The following SH3RF3 variants were observed in gnomAD, a reference collection of about 807,000 sequenced individuals.
The protein encoded by SH3RF3 is SH3 domain containing ring finger 3.
Under a neutral mutation model 66.3 loss-of-function variants are expected in SH3RF3, and 29 were observed. The observed-to-expected ratio is 0.44, with a 90% CI of 0.33 to 0.60. The LOEUF (loss-of-function observed/expected upper bound fraction) is 0.60. Among genes scored for constraint, SH3RF3 ranks in the 20% least tolerant of loss-of-function variants. The pLI is 0.04. For missense variants in SH3RF3, 1,194 were observed against 1,190.9 expected (o/e 1.00, Z -0.04); for synonymous variants, 583 against 532.0 (o/e 1.10, Z -1.32).
chr2:109,301,344 GTGTGTGTGTT>G (rs1010847499), intron 1 of SH3RF3, among the ~76,000 whole-genome samples: 2 of 132,928 alleles, frequency 1.5e-5, no homozygotes, highest in African/African-American at 5.2e-5. Flanking sequence ...ACGTGTGTGT[GTGTGTGTGTT>G]TGTGTATGTT....
chr2:109,381,811 TG>T (rs1411973772), intron 3 of SH3RF3, among the ~76,000 whole-genome samples: 2 of 152,142 alleles, frequency 1.3e-5, no homozygotes, highest in Non-Finnish European at 2.9e-5. Context: ...TCGCAGGGTC[TG>T]TGTTACATAG....
At chr2:109,443,616 CAGAT>C (rs1378716438) in intron 7 of SH3RF3, among the ~76,000 whole-genome samples, 17 of 152,092 alleles carry the variant, frequency 1.1e-4, no homozygotes, top group Non-Finnish European at 2.2e-4. Context: ...TTATCTTAAT[CAGAT>C]AGAGCAGAAT....
intron 1 of SH3RF3, among the ~76,000 whole-genome samples, chr2:109,227,802 C>T (rs1480283987): frequency 6.6e-6 from 1 of 152,362 alleles, no homozygotes; most frequent in East Asian, 1.9e-4. Context: ...GGAGTCAACA[C>T]TTCCTTTCCC....
chr2:109,472,979 C>T (rs1678564367), intron 8 of SH3RF3, among the ~76,000 whole-genome samples: 1 of 152,168 alleles, frequency 6.6e-6, no homozygotes, highest in African/African-American at 2.4e-5. Flanking sequence ...AAATTCTACC[C>T]GACTCGTGGG....
intron 1 of SH3RF3, among the ~76,000 whole-genome samples, chr2:109,195,406 C>T (rs995411118): frequency 6.6e-5 from 10 of 152,240 alleles, no homozygotes; most frequent in African/African-American, 2.4e-4. Context: ...AGGCCCTGGC[C>T]TGCGGACACC....
rs542754798 is a variant in SH3RF3 at position 109,156,597 on chromosome 2, CACT to C, written c.573+26487_573+26489del. 6.7e-3 allele frequency among the ~76,000 whole-genome samples: 1,014 copies of C among 152,160 alleles called. 10 individuals carry two copies. Among genetic ancestry groups the C allele is most frequent in the African/African-American group, 0.023 (949 of 41,518 alleles). ...AGTAGCTGAGATTACAGGTGTCCAC[CACT>C]ACACCTGGCTAATTTTTGTATTTTT... On this transcript the variant is annotated intron_variant, in intron 1 of 9. Transcript: ENST00000309415.
intron 1 of SH3RF3, among the ~76,000 whole-genome samples, chr2:109,311,989 G>C (rs959014683): frequency 6.6e-6 from 1 of 151,880 alleles, no homozygotes; most frequent in South Asian, 2.1e-4. Context: ...TGGTGAGGTC[G>C]GCTGCTGCTG....
At chr2:109,326,010 A>G (rs1484241813) in intron 1 of SH3RF3, among the ~76,000 whole-genome samples, 1 of 152,278 alleles carries the variant, frequency 6.6e-6, no homozygotes, top group Non-Finnish European at 1.5e-5. Context: ...AAACATTAGT[A>G]TATCTACCAT....
At chr2:109,246,375 TC>T (rs1282143891) in intron 1 of SH3RF3, among the ~76,000 whole-genome samples, 4 of 152,174 alleles carry the variant, frequency 2.6e-5, no homozygotes, top group South Asian at 2.1e-4. Flanking sequence ...AAGGCAACTC[TC>T]CGAGGCCTCT....
intron 1 of SH3RF3, among the ~76,000 whole-genome samples, chr2:109,133,378 ATAATT>A (rs1158878275): frequency 6.6e-6 from 1 of 152,228 alleles, no homozygotes; most frequent in Non-Finnish European, 1.5e-5. Flanking sequence ...AATAGAGAAA[ATAATT>A]TAAGTTGGAG....
chr2:109,154,462 G>C (rs185452521), intron 1 of SH3RF3, among the ~76,000 whole-genome samples: 1 of 152,198 alleles, frequency 6.6e-6, no homozygotes, highest in Admixed American at 6.5e-5. Flanking sequence ...CCTGGGAAGG[G>C]ACCACCAGCC....
At chr2:109,484,433 C>G (rs1007210582) in intron 8 of SH3RF3, among the ~76,000 whole-genome samples, 2 of 152,158 alleles carry the variant, frequency 1.3e-5, no homozygotes, top group Admixed American at 6.5e-5. Flanking sequence ...TGGCCCGCAC[C>G]TGCTTTTTGC....
At chr2:109,170,426 A>T (rs1481918476) in intron 1 of SH3RF3, among the ~76,000 whole-genome samples, 1 of 151,354 alleles carries the variant, frequency 6.6e-6, no homozygotes, top group African/African-American at 2.4e-5. Flanking sequence ...GCTCACTGCA[A>T]CCTCCGCCTC....
chr2:109,295,644 C>A (rs1681289434), intron 1 of SH3RF3, among the ~76,000 whole-genome samples: 1 of 151,916 alleles, frequency 6.6e-6, no homozygotes, highest in African/African-American at 2.4e-5. Flanking sequence ...CTCACTGCAG[C>A]CCCACAGGAC....
chr2:109,326,447 A>T (rs148793619), intron 1 of SH3RF3, among the ~76,000 whole-genome samples: 1 of 152,278 alleles, frequency 6.6e-6, no homozygotes, highest in African/African-American at 2.4e-5. Context: ...ATCAGGCAGC[A>T]CTTTGCACTC....
At chr2:109,152,429 A>G (rs1430906788) in intron 1 of SH3RF3, among the ~76,000 whole-genome samples, 1 of 152,218 alleles carries the variant, frequency 6.6e-6, no homozygotes, top group Non-Finnish European at 1.5e-5. Flanking sequence ...CTCCGATCTC[A>G]AGTTGAGAAC....
chr2:109,403,533 C>G (rs1676371498), intron 4 of SH3RF3, among the ~76,000 whole-genome samples: 1 of 152,260 alleles, frequency 6.6e-6, no homozygotes, highest in South Asian at 2.1e-4. Flanking sequence ...ACTTAACTTT[C>G]CAGTTTACTC....
At chr2:109,142,127 G>A (rs998466577) in intron 1 of SH3RF3, among the ~76,000 whole-genome samples, 4 of 151,592 alleles carry the variant, frequency 2.6e-5, no homozygotes, top group African/African-American at 7.3e-5. Context: ...GTCACCTACC[G>A]GGTGGGGTCC....
intron 1 of SH3RF3, among the ~76,000 whole-genome samples, chr2:109,264,648 A>C (rs1182476037): frequency 6.6e-6 from 1 of 152,214 alleles, no homozygotes; most frequent in Non-Finnish European, 1.5e-5. Flanking sequence ...GGTGAATTTT[A>C]CAACAGAGAT....
Sources: gnomAD v4.1 joint callset for allele counts (sites outside exome capture counted in the v4.1 genomes callset) on GRCh38, gnomAD v4.1.1 for gene constraint, MANE v1.5 for transcripts, NCBI Gene and HGNC (gene_info 2026-07-23, HGNC 2026-07-21) for gene names.